Variants in MAP3K4 observed in about 807,000 individuals in gnomAD.
The protein encoded by MAP3K4 is MAP three kinase 1.
MAP3K4 carries 67 observed loss-of-function variants against 185.6 expected under a neutral mutation model. The observed-to-expected ratio is 0.36, with a 90% confidence interval of 0.30 to 0.44. The LOEUF (loss-of-function observed/expected upper bound fraction) is 0.44, where lower values mean the gene tolerates loss of function less well. Ranked by LOEUF, MAP3K4 falls within the 20% of genes least tolerant of loss-of-function variation. The probability of loss-of-function intolerance (pLI) is 1.00; values close to 1 mark genes in which losing one functional copy is unlikely to be tolerated. For missense variants in MAP3K4, 1,551 were observed against 1,995.1 expected, an observed-to-expected ratio of 0.78 and a Z score of 4.24; for synonymous variants, 702 against 710.4, an observed-to-expected ratio of 0.99 and a Z score of 0.19.
At position 161,117,035 on chromosome 6, in the gene MAP3K4, T is replaced by C; in HGVS notation, c.*165T>C. On this transcript the variant is annotated 3_prime_UTR_variant, in exon 27 of 27. Coordinates refer to ENST00000392142, the MANE Select transcript of MAP3K4 (RefSeq NM_005922.4). The stretch of plus-strand genomic sequence containing the variant: ...TCCTGCTGCTCCTGTTTGTCTGATG[T>C]GGCAAAAGGCCCTCTGGAGGGCTGG... 1 of 669,314 alleles carries C rather than the reference T, an allele frequency of 1.5e-6. No homozygotes were observed. The highest frequency in any genetic ancestry group is 2.6e-6 in the Non-Finnish European group (1 of 391,168). 41.5% of individuals were successfully genotyped at this position (669,314 alleles called of 1,614,324 possible). A position where few individuals can be genotyped will look rare whatever the true frequency, so the allele number is the denominator to read the frequency against.
At chr6:161,040,214 A>G (rs549819087) in intron 2 of MAP3K4, among the ~76,000 whole-genome samples, 1 of 152,290 alleles carries the variant, frequency 6.6e-6, no homozygotes, top group Admixed American at 6.5e-5. Context: ...ATCTTTACTA[A>G]GGAGAATATA....
chr6:161,020,785 G>C (rs1415208223), intron 1 of MAP3K4, among the ~76,000 whole-genome samples: 2 of 151,992 alleles, frequency 1.3e-5, no homozygotes, highest in Non-Finnish European at 2.9e-5. Context: ...TGATGCCACA[G>C]CTATTTTTAA....
chr6:161,089,218 C>A, intron 10 of MAP3K4, 104 bp from the exon 11 acceptor site: 5 of 1,257,162 alleles, frequency 4.0e-6, no homozygotes, highest in Non-Finnish European at 5.5e-6. Context: ...TGGTTGTTGG[C>A]CTGGTATCCC....
At chr6:161,039,839 A>G (rs1783365103) in intron 2 of MAP3K4, among the ~76,000 whole-genome samples, 2 of 152,214 alleles carry the variant, frequency 1.3e-5, no homozygotes, top group Non-Finnish European at 2.9e-5. Flanking sequence ...GGTGGAGGCC[A>G]TTGTTCTGTG....
chr6:161,016,014 A>G (rs777438674), intron 1 of MAP3K4, among the ~76,000 whole-genome samples: 1 of 152,212 alleles, frequency 6.6e-6, no homozygotes, highest in South Asian at 2.1e-4. Context: ...ATATAAATTC[A>G]TGTATAATGA....
At chr6:161,078,435 G>T (rs1328079323) in intron 5 of MAP3K4, among the ~76,000 whole-genome samples, 6 of 152,216 alleles carry the variant, frequency 3.9e-5, no homozygotes, top group African/African-American at 1.2e-4. Context: ...GATCTGAACT[G>T]AAGCCAGAGG....
chr6:161,046,079 G>A (rs901137816), intron 2 of MAP3K4, among the ~76,000 whole-genome samples: 1 of 152,002 alleles, frequency 6.6e-6, no homozygotes, highest in South Asian at 2.1e-4. Context: ...ATTTCCACGT[G>A]TATGTCCCAT....
At position 161,097,296 on chromosome 6, in the gene MAP3K4, C is replaced by T. The variant is rs1396972992; in HGVS notation, c.3524+120C>T. On this transcript the variant is annotated intron_variant, in intron 16 of 26. Transcript: ENST00000392142. The surrounding 1 kb of genome is among the most constrained non-coding windows in gnomAD (Gnocchi z 4.9). ...AAATACCTTTTCTGCATTGTTCGTA[C>T]GTAAAAGCTCTTACTTGCATTATCT... 11 of 750,890 alleles carry T rather than the reference C, an allele frequency of 1.5e-5. No individual in the cohort carries two copies. The highest frequency in any genetic ancestry group is 3.5e-5 in the African/African-American group (2 of 57,286). 46.5% of individuals were successfully genotyped at this position (750,890 alleles called of 1,614,324 possible). A position where few individuals can be genotyped will look rare whatever the true frequency, so the allele number is the denominator to read the frequency against.
rs529401661 is a variant in MAP3K4 at position 161,113,023 on chromosome 6, A to G, written c.4626+249A>G. ...AGAAGCATAAACCTCTAATTAAAACACAGGGAAGCAAGCAGTTACAAAAAG... is the reference window on the plus strand; with the variant it reads ...AGAAGCATAAACCTCTAATTAAAACGCAGGGAAGCAAGCAGTTACAAAAAG... On this transcript the variant is annotated intron_variant, in intron 25 of 26. Coordinates refer to ENST00000392142, the MANE Select transcript of MAP3K4 (RefSeq NM_005922.4). 1.2e-4 allele frequency among the ~76,000 whole-genome samples: 19 copies of G among 152,360 alleles called. No individual in the cohort carries two copies. In the East Asian group the frequency reaches 3.5e-3, roughly 28 times the overall value.
intron 1 of MAP3K4, among the ~76,000 whole-genome samples, chr6:161,015,580 T>C (rs755068957): frequency 3.2e-4 from 48 of 152,060 alleles, no homozygotes; most frequent in Admixed American, 1.6e-3. Context: ...ACAAGAAGCA[T>C]GGTGTCAACA....
rs370460367 is a variant in MAP3K4, at chr6:160,999,349, A to G, written c.152+7266A>G. 8.5e-5 allele frequency among the ~76,000 whole-genome samples: 13 copies of G among 152,334 alleles called. No homozygotes were observed. In the East Asian group the frequency reaches 1.5e-3, roughly 18 times the overall value. On this transcript the variant is annotated intron_variant, in intron 1 of 26. Transcript: ENST00000392142. Reference sequence around the variant, plus strand: ...GTACATTTATTTTATTTAAAATCCTAAAGTCTTTTTATATGGGAACATAAA... The same window carrying G: ...GTACATTTATTTTATTTAAAATCCTGAAGTCTTTTTATATGGGAACATAAA...
chr6:161,053,005 G>A lies in MAP3K4; in HGVS notation c.1707+3026G>A, dbSNP rs1038326615. The stretch of plus-strand genomic sequence containing the variant: ...TGTTGTGAGGCTGAAAAAGATAGGC[G>A]GTAAGTGGTGTTTTCATTCCCACAC... On this transcript the variant is annotated intron_variant, in intron 3 of 26. Transcript: ENST00000392142. The surrounding 1 kb of genome is among the most constrained non-coding windows in gnomAD (Gnocchi z 4.2). 1.3e-5 allele frequency among the ~76,000 whole-genome samples: 2 copies of A among 152,048 alleles called. No individual in the cohort carries two copies. Among genetic ancestry groups the A allele is most frequent in the African/African-American group, 2.4e-5 (1 of 41,396 alleles).
chr6:161,007,590 A>G lies in MAP3K4; in HGVS notation c.152+15507A>G, dbSNP rs933029584. 6.6e-6 allele frequency among the ~76,000 whole-genome samples: 1 copy of G among 152,200 alleles called. No individual in the cohort carries two copies. The highest frequency in any genetic ancestry group is 6.5e-5 in the Admixed American group (1 of 15,282). ...AACATAGAATATTTTCATTTGTATT[A>G]AATAGTTTGAAGTAATTAATTTTAA... On this transcript the variant is annotated intron_variant, in intron 1 of 26. Coordinates refer to ENST00000392142, the MANE Select transcript of MAP3K4 (RefSeq NM_005922.4). This position sits in a 1 kb window ranked among gnomAD's most constrained non-coding sequence, Gnocchi z 4.5.
rs1037168062 is a variant in MAP3K4, at chr6:161,008,631, A to G, written c.152+16548A>G. Among the ~76,000 whole-genome samples, 1 of 152,232 alleles carries G rather than the reference A, an allele frequency of 6.6e-6. No individual in the cohort carries two copies. Among genetic ancestry groups the G allele is most frequent in the Non-Finnish European group, 1.5e-5 (1 of 68,044 alleles). On this transcript the variant is annotated intron_variant, in intron 1 of 26. Transcript: ENST00000392142. The surrounding 1 kb of genome is among the most constrained non-coding windows in gnomAD (Gnocchi z 4.1). ...ATTTAACAAAGACATACTTGTGTAT[A>G]TTACATGTGTAGCTTGATAAATTGT...
At chr6:160,995,298 T>A (rs187769703) in intron 1 of MAP3K4, among the ~76,000 whole-genome samples, 252 of 152,368 alleles carry the variant, frequency 1.7e-3, no homozygotes, top group African/African-American at 5.7e-3. Flanking sequence ...GCTACCAGGT[T>A]AACTGGTTTT....
intron 3 of MAP3K4, among the ~76,000 whole-genome samples, chr6:161,068,592 A>G (rs1447572914): frequency 6.6e-6 from 1 of 152,250 alleles, no homozygotes; most frequent in African/African-American, 2.4e-5. Context: ...GCCTTGGAAC[A>G]AAATCACTTT....
rs185981818 is a variant in MAP3K4, at chr6:161,082,153, T to C, written c.2255+1115T>C. ...AACTTGCTCTCCTCTCATAACTCCA[T>C]CCGTCAGGCTGTGATCCCCAGGCTG... On this transcript the variant is annotated intron_variant, in intron 6 of 26. Coordinates refer to ENST00000392142, the MANE Select transcript of MAP3K4 (RefSeq NM_005922.4). The surrounding 1 kb of genome is among the most constrained non-coding windows in gnomAD (Gnocchi z 4.2). Among the ~76,000 whole-genome samples the C allele has an allele frequency of 6.6e-6, 1 of 152,090 alleles. No homozygotes were observed. Among genetic ancestry groups the C allele is most frequent in the Admixed American group, 6.5e-5 (1 of 15,276 alleles).
rs1168995949 is a variant in MAP3K4 at position 161,048,761 on chromosome 6, C to T, written c.489C>T (p.Cys163=). Residue 163 remains cysteine, a synonymous_variant, in exon 3 of 27, where the codon TGC becomes TGT. Transcript: ENST00000392142. This position sits in a 1 kb window ranked among gnomAD's most constrained non-coding sequence, Gnocchi z 4.7. ...TERDRKKNVQ[C]SFMLDSVGGS... The stretch of plus-strand genomic sequence containing the variant: ...GTGATCGTAAAAAAAATGTACAGTG[C>T]TCATTCATGTTAGACTCAGTGGGTG... 6 of 1,614,024 alleles carry T rather than the reference C, an allele frequency of 3.7e-6. No individual in the cohort carries two copies. Among genetic ancestry groups the T allele is most frequent in the Non-Finnish European group, 5.1e-6 (6 of 1,180,000 alleles).
rs966453392 is a variant in MAP3K4, at chr6:161,022,864, G to A, written c.153-11395G>A. ...AGATGAAATGAGACTGTATGATATC[G>A]AGCATAGTACTTACCAAGCATGGTA... On this transcript the variant is annotated intron_variant, in intron 1 of 26. Coordinates refer to ENST00000392142, the MANE Select transcript of MAP3K4 (RefSeq NM_005922.4). This position sits in a 1 kb window ranked among gnomAD's most constrained non-coding sequence, Gnocchi z 4.2. Among the ~76,000 whole-genome samples the A allele has an allele frequency of 2.6e-5, 4 of 152,074 alleles. No individual in the cohort carries two copies. The highest frequency in any genetic ancestry group is 4.4e-5 in the Non-Finnish European group (3 of 68,014).
Sources: allele counts gnomAD v4.1 joint callset (sites outside exome capture counted in the v4.1 genomes callset), GRCh38; gene constraint gnomAD v4.1.1; non-coding constraint Gnocchi (gnomAD v3.1); transcripts MANE v1.5; gene names NCBI Gene and HGNC (gene_info 2026-07-23, HGNC 2026-07-21).